LRTM1: variants seen among roughly 807,000 people sequenced by gnomAD.
LRTM1 encodes leucine rich repeat transmembrane protein 1.
Under a neutral mutation model 32.4 loss-of-function variants are expected in LRTM1, and 38 were observed. The observed-to-expected ratio is 1.17, with a 90% CI of 0.91 to 1.54. The LOEUF (loss-of-function observed/expected upper bound fraction) is 1.54. Ranked by LOEUF, LRTM1 falls within the 40% of genes most tolerant of loss-of-function variation. LRTM1 has a pLI of 0.00. For synonymous variants in LRTM1, 186 were observed against 169.9 expected, an observed-to-expected ratio of 1.09 and a Z score of -0.74; for missense variants, 466 against 415.4, an observed-to-expected ratio of 1.12 and a Z score of -1.06.
intron 1 of LRTM1, among the ~76,000 whole-genome samples, chr3:54,941,357 G>A (rs954271985): frequency 6.6e-6 from 1 of 152,160 alleles, no homozygotes. Flanking sequence ...CAGTTATGAA[G>A]TAAGCCCCCT....
chr3:54,923,488 A>G (rs75178808), intron 2 of LRTM1, among the ~76,000 whole-genome samples: 1,808 of 152,128 alleles, frequency 0.012, 36 homozygotes, highest in African/African-American at 0.041. Flanking sequence ...CCCACATTCT[A>G]TCACTCTCCC....
At chr3:54,926,778 T>C (rs1329491128) in intron 1 of LRTM1, among the ~76,000 whole-genome samples, 1 of 152,154 alleles carries the variant, frequency 6.6e-6, no homozygotes, top group Non-Finnish European at 1.5e-5. Flanking sequence ...GGTTGCAGTT[T>C]TTTTCTTCAT....
At chr3:54,964,427 C>T (rs937614902) in intron 1 of LRTM1, among the ~76,000 whole-genome samples, 48 of 151,710 alleles carry the variant, frequency 3.2e-4, no homozygotes, top group Admixed American at 1.6e-3. Context: ...TTTTCTGTAA[C>T]TCTCCTTGGG....
At chr3:54,920,612 C>T (rs1337061970) in intron 2 of LRTM1, among the ~76,000 whole-genome samples, 1 of 152,196 alleles carries the variant, frequency 6.6e-6, no homozygotes, top group Admixed American at 6.5e-5. Flanking sequence ...TGGACCATTT[C>T]ATTCCTCTGC....
At chr3:54,957,769 A>G (rs1181141229) in intron 1 of LRTM1, among the ~76,000 whole-genome samples, 1 of 152,094 alleles carries the variant, frequency 6.6e-6, no homozygotes, top group Non-Finnish European at 1.5e-5. Context: ...TCCGTCTGTC[A>G]TCTCTCACCC....
At position 54,918,421 on chromosome 3, in the gene LRTM1, T is replaced by G; in HGVS notation, c.*38A>C. ...TCAGCCCTACTCAGACACTATCTTC[T>G]GGCCTGCAATGACCAATCCTATTTG... On this transcript the variant is annotated 3_prime_UTR_variant, in exon 3 of 3. Transcript: ENST00000273286. 1 of 1,567,192 alleles carries G rather than the reference T, an allele frequency of 6.4e-7. No homozygotes were observed. The highest frequency in any genetic ancestry group is 8.7e-7 in the Non-Finnish European group (1 of 1,148,908).
At chr3:54,925,740 A>G (rs930302128) in intron 1 of LRTM1, among the ~76,000 whole-genome samples, 1 of 152,234 alleles carries the variant, frequency 6.6e-6, no homozygotes, top group African/African-American at 2.4e-5. Context: ...TTGAGATGCA[A>G]CTACTGCAAC....
intron 1 of LRTM1, among the ~76,000 whole-genome samples, chr3:54,963,348 A>G (rs192940255): frequency 9.9e-5 from 15 of 152,032 alleles, no homozygotes; most frequent in Admixed American, 7.2e-4. Flanking sequence ...TTTCTTTTCT[A>G]TGGTTCCTTC....
At chr3:54,950,996 T>C (rs1311211075) in intron 1 of LRTM1, among the ~76,000 whole-genome samples, 1 of 152,176 alleles carries the variant, frequency 6.6e-6, no homozygotes. Context: ...AAGGCTCCTT[T>C]TAAATAATCA....
intron 1 of LRTM1, among the ~76,000 whole-genome samples, chr3:54,964,711 T>C (rs1321545330): frequency 2.0e-5 from 3 of 152,182 alleles, no homozygotes; most frequent in African/African-American, 7.2e-5. Context: ...CACTTCTGTT[T>C]GTGGCTTGTG....
chr3:54,927,206 C>A (rs2106946602), intron 1 of LRTM1, among the ~76,000 whole-genome samples: 1 of 152,298 alleles, frequency 6.6e-6, no homozygotes, highest in East Asian at 1.9e-4. Flanking sequence ...TTTCCCCTTT[C>A]TTCCTTAAAT....
At chr3:54,937,539 G>A (rs897926220) in intron 1 of LRTM1, among the ~76,000 whole-genome samples, 10 of 152,210 alleles carry the variant, frequency 6.6e-5, no homozygotes, top group South Asian at 2.1e-4. Flanking sequence ...GTTCAAACTC[G>A]TGTTGTGCAA....
At chr3:54,962,657 G>A (rs968233309) in intron 1 of LRTM1, among the ~76,000 whole-genome samples, 1 of 152,188 alleles carries the variant, frequency 6.6e-6, no homozygotes, top group Non-Finnish European at 1.5e-5. Context: ...GTCTTAAAAC[G>A]GGTTTGCAAT....
At chr3:54,953,230 G>C (rs904482546) in intron 1 of LRTM1, among the ~76,000 whole-genome samples, 1 of 152,148 alleles carries the variant, frequency 6.6e-6, no homozygotes, top group Admixed American at 6.5e-5. Context: ...CATGACTCCT[G>C]TTCCCATTGT....
chr3:54,919,742 A>T (rs1700781286), intron 2 of LRTM1, among the ~76,000 whole-genome samples: 2 of 152,248 alleles, frequency 1.3e-5, no homozygotes, highest in African/African-American at 2.4e-5. Context: ...CCATGAAAAC[A>T]TGCTATTTGT....
chr3:54,955,163 C>T (rs1180083739), intron 1 of LRTM1, among the ~76,000 whole-genome samples: 2 of 152,162 alleles, frequency 1.3e-5, no homozygotes, highest in Non-Finnish European at 2.9e-5. Flanking sequence ...GGTACAGAAG[C>T]TTACATACTG....
intron 1 of LRTM1, among the ~76,000 whole-genome samples, chr3:54,965,738 C>T (rs1481576043): frequency 6.6e-6 from 1 of 152,140 alleles, no homozygotes; most frequent in African/African-American, 2.4e-5. Context: ...GCCAGTGTTA[C>T]TGGAAAGGGG....
chr3:54,918,957 G>T, intron 2 of LRTM1, 65 bp from the exon 3 acceptor site: 1 of 1,350,984 alleles, frequency 7.4e-7, no homozygotes, highest in Non-Finnish European at 9.7e-7. Flanking sequence ...AAAATCCTCT[G>T]CCTGCAAAAA....
Position 54,918,794 on chromosome 3 carries a change from G to A in LRTM1, c.703C>T (p.Pro235Ser). The change falls in exon 3 of 3, where the codon CCT becomes TCT. Residue 235 changes from proline to serine, a missense_variant. By Grantham distance (74) the Pro-to-Ser change is moderately conservative (BLOSUM62 -1). Coordinates refer to ENST00000273286, the MANE Select transcript of LRTM1 (RefSeq NM_020678.4). The stretch of plus-strand genomic sequence containing the variant: ...TGCGAGGACACTGGATCAGGAGCAG[G>A]AAGAGGGCAGGGCTGGTACAGCTCA... ...PHELYQPCPL[P>S]APDPVSSQAQ... The A allele has an allele frequency of 6.2e-7, 1 of 1,614,006 alleles. No homozygotes were observed. The highest frequency in any genetic ancestry group is 8.5e-7 in the Non-Finnish European group (1 of 1,179,940).
Sources: allele counts gnomAD v4.1 joint callset (sites outside exome capture counted in the v4.1 genomes callset), GRCh38; gene constraint gnomAD v4.1.1; transcripts MANE v1.5; gene names NCBI Gene and HGNC (gene_info 2026-07-23, HGNC 2026-07-21).